Variants in BARD1 observed in about 807,000 individuals in gnomAD.
BARD1 encodes BRCA1-associated RING domain protein 1.
A neutral mutation model predicts 77.0 loss-of-function variants in BARD1; 73 were observed. That is an observed-to-expected ratio of 0.95 (90% CI 0.79 to 1.15). The LOEUF (loss-of-function observed/expected upper bound fraction) is 1.15. Among genes scored for constraint, BARD1 ranks in the 50% most tolerant of loss-of-function variants. BARD1 has a pLI of 0.00. For synonymous variants in BARD1, 384 were observed against 338.0 expected (o/e 1.14, Z -1.49); for missense variants, 993 against 938.8 (o/e 1.06, Z -0.75).
intron 1 of BARD1, 82 bp downstream of exon 1, chr2:214,809,330 G>C (rs1392970147): frequency 6.4e-7 from 1 of 1,573,812 alleles, no homozygotes; most frequent in Admixed American, 1.7e-5. Context: ...GGAGGAAACG[G>C]AAGATTTGAA....
intron 5 of BARD1, among the ~76,000 whole-genome samples, chr2:214,768,086 A>C (rs902859892): frequency 2.0e-5 from 3 of 152,328 alleles, no homozygotes; most frequent in East Asian, 3.9e-4. Flanking sequence ...TTTTAAGATA[A>C]GCTATTTGCT....
At chr2:214,772,671 C>G (rs1694560531) in intron 4 of BARD1, among the ~76,000 whole-genome samples, 1 of 152,136 alleles carries the variant, frequency 6.6e-6, no homozygotes, top group South Asian at 2.1e-4. Flanking sequence ...AACTGTATAG[C>G]TGATTAGCAA....
At chr2:214,730,948 C>G in intron 9 of BARD1, 1 of 455,024 alleles carries the variant, frequency 2.2e-6, no homozygotes, top group Non-Finnish European at 4.4e-6. Flanking sequence ...GTCTAATCGT[C>G]TGTTAAACTG....
At chr2:214,741,075 T>C (rs901686154) in intron 9 of BARD1, among the ~76,000 whole-genome samples, 10 of 152,116 alleles carry the variant, frequency 6.6e-5, no homozygotes, top group African/African-American at 2.4e-4. Context: ...GATGTAATGA[T>C]TGTCTTCTAG....
At chr2:214,798,333 T>C (rs1044354098) in intron 1 of BARD1, among the ~76,000 whole-genome samples, 1 of 152,148 alleles carries the variant, frequency 6.6e-6, no homozygotes, top group Non-Finnish European at 1.5e-5. Context: ...TCACAGTATG[T>C]AAAACGTACA....
intron 2 of BARD1, among the ~76,000 whole-genome samples, chr2:214,793,852 A>C (rs1695638000): frequency 6.6e-6 from 1 of 152,200 alleles, no homozygotes; most frequent in Non-Finnish European, 1.5e-5. Flanking sequence ...ATGCTGAGTA[A>C]CAGATAAATT....
chr2:214,804,472 T>C (rs141639287), intron 1 of BARD1, among the ~76,000 whole-genome samples: 100 of 152,270 alleles, frequency 6.6e-4, no homozygotes, highest in African/African-American at 2.4e-3. Flanking sequence ...AATAAATAAA[T>C]CTCACAAATA....
rs569739230 is a variant in BARD1 at position 214,736,987 on chromosome 2, GA to G, written c.1904-6480del. On this transcript the variant is annotated intron_variant, in intron 9 of 10. Coordinates refer to ENST00000260947, the MANE Select transcript of BARD1 (RefSeq NM_000465.4). ...GTAGCTCTTTTTCTTTTCCTGAAAA[GA>G]AAGGATGTTTCCAGGTCTACAACTA... Among the ~76,000 whole-genome samples, 21 of 152,158 alleles carry G rather than the reference GA, an allele frequency of 1.4e-4. No individual in the cohort carries two copies. The East Asian group carries it at 4.0e-3, about 29-fold the overall frequency.
At chr2:214,741,783 T>C (rs1471387574) in intron 9 of BARD1, among the ~76,000 whole-genome samples, 3 of 152,196 alleles carry the variant, frequency 2.0e-5, no homozygotes, top group African/African-American at 7.2e-5. Context: ...AGAATCCTCA[T>C]GCTAAGTTCA....
At chr2:214,777,738 T>G (rs1694796962) in intron 4 of BARD1, among the ~76,000 whole-genome samples, 1 of 152,210 alleles carries the variant, frequency 6.6e-6, no homozygotes, top group Non-Finnish European at 1.5e-5. Context: ...CAACTCCTTG[T>G]TCCATTTTAT....
chr2:214,808,135 C>G (rs1415504352), intron 1 of BARD1, among the ~76,000 whole-genome samples: 1 of 152,182 alleles, frequency 6.6e-6, no homozygotes. Flanking sequence ...TTTGGCCGGG[C>G]ACCGTGGCTC....
chr2:214,799,741 T>C (rs1233860213), intron 1 of BARD1, among the ~76,000 whole-genome samples: 1 of 152,138 alleles, frequency 6.6e-6, no homozygotes, highest in Non-Finnish European at 1.5e-5. Flanking sequence ...TACCTCCCAT[T>C]CTACCTTCTG....
Position 214,752,496 on chromosome 2 carries a change from A to G in BARD1, c.1628T>C (p.Leu543Ser). Residue 543 changes from leucine (L) to serine (S), a missense_variant, in exon 7 of 11, where the codon TTG becomes TCG. Physicochemically the swap from Leu to Ser is moderately radical, Grantham distance 145. Transcript: ENST00000260947. ...YTDDESMKSL[L>S]LLPEKNESSS... The stretch of plus-strand genomic sequence containing the variant: ...TGATTCATTCTTCTCTGGTAGCAGC[A>G]ATAGCGATTTCATACTTTCATCATC... The G allele has an allele frequency of 6.2e-7, 1 of 1,613,840 alleles. No individual in the cohort carries two copies. The highest frequency in any genetic ancestry group is 8.5e-7 in the Non-Finnish European group (1 of 1,179,798).
intron 6 of BARD1, among the ~76,000 whole-genome samples, chr2:214,765,046 C>T (rs989107734): frequency 1.9e-4 from 29 of 152,160 alleles, no homozygotes; most frequent in African/African-American, 7.0e-4. Context: ...AACCAGCTGT[C>T]CAACACAGTA....
At chr2:214,798,826 C>A (rs938996842) in intron 1 of BARD1, among the ~76,000 whole-genome samples, 1 of 149,576 alleles carries the variant, frequency 6.7e-6, no homozygotes, top group Non-Finnish European at 1.5e-5. Context: ...TCTATAAATT[C>A]ATTTGGTAGC....
intron 3 of BARD1, among the ~76,000 whole-genome samples, chr2:214,783,850 C>T (rs1335132768): frequency 1.3e-5 from 2 of 152,056 alleles, no homozygotes; most frequent in African/African-American, 4.8e-5. Flanking sequence ...CTTCCTTACA[C>T]CTTATATAAA....
intron 7 of BARD1, among the ~76,000 whole-genome samples, chr2:214,751,200 C>A (rs1693436010): frequency 8.9e-6 from 1 of 112,228 alleles, no homozygotes; most frequent in Non-Finnish European, 1.8e-5. Context: ...TTCTGTTACC[C>A]AGGATGGAAT....
intron 3 of BARD1, 140 bp downstream of exon 3, chr2:214,792,157 A>T (rs1259621131): frequency 1.1e-6 from 1 of 932,156 alleles, no homozygotes; most frequent in Non-Finnish European, 1.5e-6. Flanking sequence ...ATTTAAAAAA[A>T]AAAAAAAAAA....
At position 214,809,306 on chromosome 2, in the gene BARD1, G is replaced by A. The variant is rs938797529; in HGVS notation, c.158+106C>T. The A allele has an allele frequency of 3.3e-6, 5 of 1,499,036 alleles. No homozygotes were observed. In the Admixed American group the frequency reaches 5.7e-5, roughly 17 times the overall value. The allele number at this position is 1,499,036 out of a possible 1,614,324, so 92.9% of individuals were successfully genotyped here. On this transcript the variant is annotated intron_variant, in intron 1 of 10. Coordinates refer to ENST00000260947, the MANE Select transcript of BARD1 (RefSeq NM_000465.4). ...CTAACCGCACGCCGACCCGACTGCA[G>A]CGCGGGAACGGAAGGAGGAAACGGA...
Sources: gnomAD v4.1 joint callset for allele counts (sites outside exome capture counted in the v4.1 genomes callset) on GRCh38, gnomAD v4.1.1 for gene constraint, MANE v1.5 for transcripts, NCBI Gene and HGNC (gene_info 2026-07-23, HGNC 2026-07-21) for gene names.